Variants in HOXA3 observed in about 807,000 individuals in gnomAD.
The protein encoded by HOXA3 is homeobox protein Hox-A3.
Under a neutral mutation model 30.3 loss-of-function variants are expected in HOXA3, and 8 were observed. The observed-to-expected ratio is 0.26, with a 90% CI of 0.15 to 0.48. HOXA3 has a LOEUF of 0.48. HOXA3 is among the 20% of genes least tolerant of loss of function. HOXA3 has a pLI of 0.99. For synonymous variants in HOXA3, 323 were observed against 273.1 expected (o/e 1.18, Z -1.80); for missense variants, 653 against 614.4 (o/e 1.06, Z -0.66).
intron 3 of HOXA3, chr7:27,123,070 C>T (rs1785112123): frequency 6.6e-6 from 1 of 152,184 alleles, no homozygotes; most frequent in African/African-American, 2.4e-5. Flanking sequence ...CCTTTCCTAA[C>T]AAAAGGAAGC....
At position 27,147,329 on chromosome 7, in the gene HOXA3, G is replaced by T. The variant is rs745909256; in HGVS notation, c.-494+4959C>A. 8 of 1,613,818 alleles carry T rather than the reference G, an allele frequency of 5.0e-6. No individual in the cohort carries two copies. In the South Asian group the frequency reaches 8.8e-5, roughly 18 times the overall value. ...TTACCCGCGCAGGAGTTCATCCGCT[G>T]CATCCAAGGGTAAACCGGGCTCGTG... On this transcript the variant is annotated intron_variant, in intron 1 of 5. Coordinates refer to ENST00000612286, the MANE Select transcript of HOXA3 (RefSeq NM_153631.3).
intron 3 of HOXA3, among the ~76,000 whole-genome samples, chr7:27,125,056 C>T (rs1785224437): frequency 6.6e-6 from 1 of 152,178 alleles, no homozygotes; most frequent in Admixed American, 6.5e-5. Flanking sequence ...AGGCAAGAAC[C>T]CATCCTTCTT....
chr7:27,145,445 A>AGGTTT (rs753243931), intron 1 of HOXA3: 9,176 of 521,816 alleles, frequency 0.018, 165 homozygotes, highest in Non-Finnish European at 0.02. Flanking sequence ...GCTGTGTGTG[A>AGGTTT]GGTTTTGTTT....
At chr7:27,129,795 T>C (rs749695978) in intron 2 of HOXA3, among the ~76,000 whole-genome samples, 1 of 152,148 alleles carries the variant, frequency 6.6e-6, no homozygotes, top group Non-Finnish European at 1.5e-5. Context: ...GTGCTGGGCA[T>C]TGGGGCTGAA....
chr7:27,143,491 G>A (rs1260240228), intron 1 of HOXA3: 1 of 1,613,906 alleles, frequency 6.2e-7, no homozygotes, highest in Non-Finnish European at 8.5e-7. Context: ...CGGAGTGCAT[G>A]CTCGCCGAGT....
intron 5 of HOXA3, among the ~76,000 whole-genome samples, chr7:27,109,785 A>G (rs6948297): frequency 0.14 from 20,802 of 152,218 alleles, 1,716 homozygotes; most frequent in African/African-American, 0.22. Context: ...GCTGTGCTAA[A>G]AAGATAGACA....
intron 2 of HOXA3, among the ~76,000 whole-genome samples, chr7:27,133,149 C>A (rs1289697346): frequency 6.6e-6 from 1 of 152,148 alleles, no homozygotes; most frequent in Non-Finnish European, 1.5e-5. Flanking sequence ...GAGCCAGGAC[C>A]ACCAAGTGTT....
At position 27,152,469 on chromosome 7, in the gene HOXA3, A is replaced by AGGCCT. The variant is rs3216926; in HGVS notation, c.-680_-676dup. Reference sequence around the variant, plus strand: ...CGCCCAATCTCCAGCGGGAGCCGCCAGGCCTGGCCTGGCCGGGGCTTCCCT... The same window carrying AGGCCT: ...CGCCCAATCTCCAGCGGGAGCCGCCAGGCCTGGCCTGGCCTGGCCGGGGCTTCCCT... On this transcript the variant is annotated 5_prime_UTR_variant, in exon 1 of 6. An upstream open reading frame in the 5' UTR loses its in-frame stop. Transcript: ENST00000612286. 0.27 allele frequency: 310,457 copies of AGGCCT among 1,140,370 alleles called. 44,568 individuals carry two copies. Among genetic ancestry groups the AGGCCT allele is most frequent in the Non-Finnish European group, 0.29 (264,011 of 915,424 alleles). The allele number at this position is 1,140,370 out of a possible 1,614,324, so 70.6% of individuals were successfully genotyped here.
At chr7:27,133,995 CCTT>C (rs1381688488) in intron 2 of HOXA3, 3 of 152,212 alleles carry the variant, frequency 2.0e-5, no homozygotes, top group African/African-American at 7.2e-5. Context: ...CCAGGTCACT[CCTT>C]CTCAGGAAAA....
At position 27,110,750 on chromosome 7, in the gene HOXA3, C is replaced by T; in HGVS notation, c.-110G>A. On this transcript the variant is annotated 5_prime_UTR_variant, in exon 5 of 6. Coordinates refer to ENST00000612286, the MANE Select transcript of HOXA3 (RefSeq NM_153631.3). ...GTGACACTCCGCCGCCAATGGCCGC[C>T]CCGCGCAGACCTGGTGGGGCGAGAA... The T allele has an allele frequency of 2.6e-6, 4 of 1,529,960 alleles. No homozygotes were observed. In the South Asian group the frequency reaches 3.5e-5, roughly 14 times the overall value. The allele number at this position is 1,529,960 out of a possible 1,614,324, so 94.8% of individuals were successfully genotyped here. A position where few individuals can be genotyped will look rare whatever the true frequency, so the allele number is the denominator to read the frequency against.
chr7:27,115,089 C>A (rs918072926), intron 4 of HOXA3, among the ~76,000 whole-genome samples: 2 of 149,528 alleles, frequency 1.3e-5, no homozygotes, highest in Admixed American at 1.3e-4. Flanking sequence ...TGCTGCAATC[C>A]CAAGGCGTCA....
chr7:27,130,925 G>A (rs1785533370), intron 2 of HOXA3: 2 of 618,768 alleles, frequency 3.2e-6, no homozygotes, highest in African/African-American at 1.9e-5. Flanking sequence ...CTCCTCCCCA[G>A]CCCAGCGCGC....
At chr7:27,143,954 AC>A (rs1782665954) in intron 1 of HOXA3, among the ~76,000 whole-genome samples, 1 of 152,178 alleles carries the variant, frequency 6.6e-6, no homozygotes, top group Non-Finnish European at 1.5e-5. Context: ...CCAGCTTCCG[AC>A]CGGGGGCTGC....
intron 3 of HOXA3, among the ~76,000 whole-genome samples, chr7:27,126,158 G>A (rs1785272361): frequency 6.6e-6 from 1 of 152,206 alleles, no homozygotes; most frequent in Admixed American, 6.5e-5. Context: ...AGCCTGCAAA[G>A]TGCCATTTTT....
At chr7:27,145,751 G>A (rs1258389767) in intron 1 of HOXA3, 1 of 1,614,226 alleles carries the variant, frequency 6.2e-7, no homozygotes, top group East Asian at 2.2e-5. Context: ...GGCGGTTCTG[G>A]AACCAGATCT....
chr7:27,129,932 G>A, intron 2 of HOXA3: 1 of 658,822 alleles, frequency 1.5e-6, no homozygotes, highest in Admixed American at 2.9e-5. Flanking sequence ...GGGTACAAAA[G>A]GGTTCTCATG....
intron 1 of HOXA3, chr7:27,147,755 C>A (rs1331516029): frequency 1.2e-6 from 2 of 1,600,910 alleles, no homozygotes; most frequent in South Asian, 1.1e-5. Flanking sequence ...CTCATTTGCG[C>A]GCCCCTCTGC....
intron 2 of HOXA3, chr7:27,130,904 AG>A: frequency 1.5e-6 from 1 of 675,136 alleles, no homozygotes; most frequent in South Asian, 1.7e-5. Context: ...CCGCCACCAA[AG>A]TTCGAGCCGC....
chr7:27,112,299 A>G (rs114113773), intron 4 of HOXA3, among the ~76,000 whole-genome samples: 3 of 152,334 alleles, frequency 2.0e-5, no homozygotes, highest in African/African-American at 4.8e-5. Context: ...GAGTTATTCA[A>G]GTTTTCCAGG....
Sources: allele counts gnomAD v4.1 joint callset (sites outside exome capture counted in the v4.1 genomes callset), GRCh38; gene constraint gnomAD v4.1.1; transcripts MANE v1.5; gene names NCBI Gene and HGNC (gene_info 2026-07-23, HGNC 2026-07-21).